The following CSMD1 variants were observed in gnomAD, a reference collection of about 807,000 sequenced individuals.
The protein encoded by CSMD1 is CUB and sushi domain-containing protein 1.
Under a neutral mutation model 417.5 loss-of-function variants are expected in CSMD1, and 213 were observed. The observed-to-expected ratio is 0.51, with a 90% CI of 0.46 to 0.57. The LOEUF is 0.57. CSMD1 is among the 20% of genes least tolerant of loss of function. The pLI is 0.00. For missense variants in CSMD1, 6,923 were observed against 4,529.7 expected, an observed-to-expected ratio of 1.53 and a Z score of -15.17; for synonymous variants, 2,862 against 1,736.8, an observed-to-expected ratio of 1.65 and a Z score of -16.11.
At chr8:3,968,705 G>A (rs1460014431) in intron 5 of CSMD1, among the ~76,000 whole-genome samples, 1 of 152,060 alleles carries the variant, frequency 6.6e-6, no homozygotes, top group African/African-American at 2.4e-5. Context: ...TTACTACAGG[G>A]TCTGTGTATT....
intron 3 of CSMD1, among the ~76,000 whole-genome samples, chr8:4,269,191 G>T (rs1333546220): frequency 2.6e-5 from 4 of 151,968 alleles, no homozygotes; most frequent in African/African-American, 4.8e-5. Context: ...CTAGTAGCTG[G>T]GACTACAGAC....
At chr8:3,345,479 G>C (rs575489312) in intron 22 of CSMD1, among the ~76,000 whole-genome samples, 1 of 151,940 alleles carries the variant, frequency 6.6e-6, no homozygotes, top group Non-Finnish European at 1.5e-5. Flanking sequence ...TTCAGGTTTC[G>C]CACTGATCAC....
chr8:4,361,322 GATA>G (rs1437281979), intron 3 of CSMD1, among the ~76,000 whole-genome samples: 18 of 152,278 alleles, frequency 1.2e-4, no homozygotes, highest in African/African-American at 4.3e-4. Context: ...TAAAATATTA[GATA>G]ATGATATATC....
intron 1 of CSMD1, among the ~76,000 whole-genome samples, chr8:4,711,312 G>A (rs796630881): frequency 5.3e-5 from 8 of 152,242 alleles, no homozygotes; most frequent in African/African-American, 1.7e-4. Flanking sequence ...CCAATAAACT[G>A]AAGGGCAAAT....
At chr8:2,998,303 A>G in intron 53 of CSMD1, 119 bp from the exon 54 acceptor site, 1 of 947,984 alleles carries the variant, frequency 1.1e-6, no homozygotes, top group Non-Finnish European at 1.6e-6. Context: ...TTTTCCACTA[A>G]CCAGGCAGCT....
At chr8:3,292,833 G>T (rs1488808412) in intron 25 of CSMD1, among the ~76,000 whole-genome samples, 3 of 151,718 alleles carry the variant, frequency 2.0e-5, no homozygotes, top group Non-Finnish European at 4.4e-5. Context: ...TACATTTAAG[G>T]TTAATATTGT....
At chr8:3,106,279 C>A (rs982604947) in intron 46 of CSMD1, among the ~76,000 whole-genome samples, 5 of 151,314 alleles carry the variant, frequency 3.3e-5, no homozygotes, top group African/African-American at 1.2e-4. Context: ...TGCATGTAGT[C>A]CCAGTTACTC....
At chr8:4,040,360 T>G (rs1797824237) in intron 3 of CSMD1, among the ~76,000 whole-genome samples, 2 of 152,312 alleles carry the variant, frequency 1.3e-5, no homozygotes, top group South Asian at 2.1e-4. Context: ...ATGCCCATTT[T>G]AAACAAACAA....
intron 3 of CSMD1, among the ~76,000 whole-genome samples, chr8:4,194,352 A>T (rs1324852336): frequency 6.6e-6 from 1 of 152,184 alleles, no homozygotes; most frequent in East Asian, 1.9e-4. Context: ...CCACAGACCT[A>T]ATTTGCCATG....
chr8:4,436,499 C>G (rs1585071901), intron 2 of CSMD1, among the ~76,000 whole-genome samples: 1 of 151,806 alleles, frequency 6.6e-6, no homozygotes, highest in Non-Finnish European at 1.5e-5. Flanking sequence ...TGAGGGGTAT[C>G]TCTCCTCTCA....
chr8:4,320,362 T>C (rs960426261), intron 3 of CSMD1, among the ~76,000 whole-genome samples: 2 of 151,638 alleles, frequency 1.3e-5, no homozygotes, highest in Non-Finnish European at 3.0e-5. Context: ...ATAAACCTTT[T>C]TTATTATTAT....
At chr8:4,748,410 C>G (rs762137116) in intron 1 of CSMD1, among the ~76,000 whole-genome samples, 13 of 152,164 alleles carry the variant, frequency 8.5e-5, no homozygotes, top group Admixed American at 7.2e-4. Context: ...CTAAGGAAGT[C>G]ACATTTTATT....
intron 7 of CSMD1, among the ~76,000 whole-genome samples, chr8:3,673,945 A>G (rs1162049283): frequency 6.6e-6 from 1 of 152,072 alleles, no homozygotes; most frequent in Non-Finnish European, 1.5e-5. Context: ...TGGCACAATC[A>G]TGTCTCTAAT....
chr8:4,602,704 T>C (rs1330440967), intron 2 of CSMD1, among the ~76,000 whole-genome samples: 1 of 152,174 alleles, frequency 6.6e-6, no homozygotes, highest in Non-Finnish European at 1.5e-5. Context: ...AAGATCTTCA[T>C]TGTTGTTATC....
intron 1 of CSMD1, among the ~76,000 whole-genome samples, chr8:4,838,192 C>T (rs1022874722): frequency 1.3e-5 from 2 of 152,130 alleles, no homozygotes; most frequent in African/African-American, 4.8e-5. Context: ...GCAGTGTTCT[C>T]CCCGCTCTTC....
chr8:4,429,461 T>C (rs577032975), intron 2 of CSMD1, among the ~76,000 whole-genome samples: 1 of 152,180 alleles, frequency 6.6e-6, no homozygotes, highest in East Asian at 1.9e-4. Flanking sequence ...AGTTTGGTTC[T>C]TTGGCAACTC....
chr8:4,571,648 T>C (rs530487438), intron 2 of CSMD1, among the ~76,000 whole-genome samples: 2 of 152,282 alleles, frequency 1.3e-5, no homozygotes, highest in Non-Finnish European at 2.9e-5. Flanking sequence ...TCTATAGATG[T>C]ACTAGGTCCA....
chr8:3,738,573 C>T (rs538823061), intron 6 of CSMD1, among the ~76,000 whole-genome samples: 1 of 152,164 alleles, frequency 6.6e-6, no homozygotes, highest in Non-Finnish European at 1.5e-5. Context: ...GGGCTCTGTG[C>T]TCTTGTCACG....
chr8:2,945,495 ATT>A (rs1802167219), intron 68 of CSMD1, among the ~76,000 whole-genome samples: 1 of 152,250 alleles, frequency 6.6e-6, no homozygotes, highest in Admixed American at 6.5e-5. Context: ...ATATCTACAC[ATT>A]AGCAGGAGTC....
Sources: allele counts gnomAD v4.1 joint callset (sites outside exome capture counted in the v4.1 genomes callset), GRCh38; gene constraint gnomAD v4.1.1; transcripts MANE v1.5; gene names NCBI Gene and HGNC (gene_info 2026-07-23, HGNC 2026-07-21).